Variants in KLHL7 observed in about 807,000 individuals in gnomAD.
KLHL7 encodes kelch like family member 7, also known as kelch-like protein 7.
KLHL7 carries 44 observed loss-of-function variants against 67.4 expected under a neutral mutation model. That is an observed-to-expected ratio of 0.65 (90% CI 0.51 to 0.84). The LOEUF (loss-of-function observed/expected upper bound fraction) is 0.84, where lower values mean the gene tolerates loss of function less well. KLHL7 is among the 40% of genes least tolerant of loss of function. The pLI, the probability that KLHL7 is intolerant of heterozygous loss-of-function variation, is 0.00. For synonymous variants in KLHL7, 252 were observed against 243.3 expected, an observed-to-expected ratio of 1.04 and a Z score of -0.33; for missense variants, 362 against 718.1, an observed-to-expected ratio of 0.50 and a Z score of 5.67.
At chr7:23,131,711 C>G (rs1435491072) in intron 4 of KLHL7, among the ~76,000 whole-genome samples, 1 of 147,138 alleles carries the variant, frequency 6.8e-6, no homozygotes, top group Non-Finnish European at 1.5e-5. Flanking sequence ...GTTGTGTTAT[C>G]AAATAATAGG....
intron 1 of KLHL7, among the ~76,000 whole-genome samples, chr7:23,109,412 T>C (rs1479311152): frequency 1.3e-5 from 2 of 152,254 alleles, no homozygotes; most frequent in Non-Finnish European, 2.9e-5. Flanking sequence ...TTCTTTTGTG[T>C]TAATGAAGTC....
chr7:23,141,771 C>T (rs562135988), intron 5 of KLHL7, among the ~76,000 whole-genome samples: 96 of 150,824 alleles, frequency 6.4e-4, no homozygotes, highest in African/African-American at 2.3e-3. Context: ...TACTGGTGCC[C>T]GCCACCGTGC....
rs1294099598 is a variant in KLHL7 at position 23,122,794 on chromosome 7, TTGCAAAA to T, written c.121-976_121-970del. 2.0e-5 allele frequency among the ~76,000 whole-genome samples: 3 copies of T among 152,288 alleles called. No individual in the cohort carries two copies. The East Asian group carries it at 5.8e-4, about 29-fold the overall frequency. On this transcript the variant is annotated intron_variant, in intron 1 of 10. Coordinates refer to ENST00000339077, the MANE Select transcript of KLHL7 (RefSeq NM_001031710.3). ...ACAGTTTTAGTAAAATACTTAAAAT[TTGCAAAA>T]TGCAAATCCTCTGAGCCATGAAGCC...
At chr7:23,173,131 A>T (rs187659887) in intron 10 of KLHL7, 86 bp downstream of exon 10, 25 of 894,200 alleles carry the variant, frequency 2.8e-5, no homozygotes, top group Middle Eastern at 4.3e-4. Context: ...AAAAATCTAG[A>T]TAGAAGCATT....
chr7:23,165,682 T>C lies in KLHL7; in HGVS notation c.937-16T>C. ...TTTTTTCCTTACTGAAAGCTTCCCA[T>C]CCTTTTCTGCTACAGGATTATAGCT... On this transcript the variant is annotated splice_polypyrimidine_tract_variant and intron_variant, in intron 7 of 10. Coordinates refer to ENST00000339077, the MANE Select transcript of KLHL7 (RefSeq NM_001031710.3). 1 of 1,614,124 alleles carries C rather than the reference T, an allele frequency of 6.2e-7. No homozygotes were observed. Among genetic ancestry groups the C allele is most frequent in the South Asian group, 1.1e-5 (1 of 91,082 alleles).
At chr7:23,164,677 G>C (rs1008622921) in intron 7 of KLHL7, among the ~76,000 whole-genome samples, 4 of 152,182 alleles carry the variant, frequency 2.6e-5, no homozygotes, top group African/African-American at 9.7e-5. Context: ...ATCTTTGTCA[G>C]GAGTCAAAGT....
chr7:23,117,068 C>T (rs980866364), intron 1 of KLHL7, among the ~76,000 whole-genome samples: 2 of 142,688 alleles, frequency 1.4e-5, no homozygotes, highest in South Asian at 4.4e-4. Context: ...ATAAAATTTT[C>T]CTAGAGCCAG....
Position 23,143,721 on chromosome 7 carries a change from G to A in KLHL7, c.619-130G>A, listed in dbSNP as rs186282564. 8.5e-4 allele frequency: 800 copies of A among 941,482 alleles called. 3 individuals carry two copies. In the African/African-American group the frequency reaches 0.011, roughly 13 times the overall value. The allele number at this position is 941,482 out of a possible 1,614,324, so 58.3% of individuals were successfully genotyped here. ...TTTTGAAGAACCAGCAAGTGTCCAG[G>A]GATGAAAAATACTAGAAATAAGTGG... On this transcript the variant is annotated intron_variant, in intron 5 of 10. Coordinates refer to ENST00000339077, the MANE Select transcript of KLHL7 (RefSeq NM_001031710.3).
intron 1 of KLHL7, among the ~76,000 whole-genome samples, chr7:23,118,281 A>T (rs1783181908): frequency 6.6e-6 from 1 of 152,234 alleles, no homozygotes; most frequent in African/African-American, 2.4e-5. Context: ...TTCTTTCTTT[A>T]TGACGCGTTG....
At chr7:23,170,057 A>C (rs890505361) in intron 9 of KLHL7, among the ~76,000 whole-genome samples, 1 of 151,800 alleles carries the variant, frequency 6.6e-6, no homozygotes, top group Non-Finnish European at 1.5e-5. Context: ...TAAAAATACC[A>C]AAAAAAATTA....
In KLHL7 at chr7:23,177,820, C is replaced by G. The variant is rs1168726081; in HGVS notation, c.*3522C>G. On this transcript the variant is annotated 3_prime_UTR_variant, in exon 11 of 11. Coordinates refer to ENST00000339077, the MANE Select transcript of KLHL7 (RefSeq NM_001031710.3). ...TCCAGCTGGCAAAAACTTGACATATCATCCCATGAAAATTTTAAGTCATGA... is the reference window on the plus strand; with the variant it reads ...TCCAGCTGGCAAAAACTTGACATATGATCCCATGAAAATTTTAAGTCATGA... 3 of 152,034 alleles carry G rather than the reference C, an allele frequency of 2.0e-5. No homozygotes were observed. Among genetic ancestry groups the G allele is most frequent in the Admixed American group, 6.6e-5 (1 of 15,258 alleles). 9.4% of individuals were successfully genotyped at this position (152,034 alleles called of 1,614,324 possible). A position where few individuals can be genotyped will look rare whatever the true frequency, so the allele number is the denominator to read the frequency against.
intron 4 of KLHL7, chr7:23,125,880 G>T (rs1258356782): frequency 2.6e-6 from 4 of 1,547,006 alleles, no homozygotes; most frequent in Admixed American, 3.9e-5. Flanking sequence ...ACCCTTATCT[G>T]CAGGATACGT....
At chr7:23,126,152 G>C in intron 4 of KLHL7, 1 of 407,542 alleles carries the variant, frequency 2.5e-6, no homozygotes, top group South Asian at 2.3e-5. Context: ...TCATAACCAG[G>C]ATGGTTTCTT....
intron 9 of KLHL7, among the ~76,000 whole-genome samples, chr7:23,172,582 GAAGA>G (rs1785195934): frequency 1.3e-5 from 2 of 152,154 alleles, no homozygotes; most frequent in East Asian, 3.8e-4. Flanking sequence ...GCAGAGGTGT[GAAGA>G]AAGAAAAAAG....
chr7:23,152,034 G>T (rs1784551938), intron 6 of KLHL7, 33 bp from the exon 7 acceptor site: 1 of 1,612,236 alleles, frequency 6.2e-7, no homozygotes, highest in South Asian at 1.1e-5. Flanking sequence ...AGTGCCTGAA[G>T]TTCTTGAAGC....
At chr7:23,151,303 C>T (rs75752485) in intron 6 of KLHL7, among the ~76,000 whole-genome samples, 2,020 of 152,064 alleles carry the variant, frequency 0.013, 22 homozygotes, top group Admixed American at 0.016. Context: ...CATAGACCAT[C>T]CTCCTTTCCC....
intron 9 of KLHL7, among the ~76,000 whole-genome samples, chr7:23,171,913 G>C (rs896591953): frequency 1.3e-5 from 2 of 152,190 alleles, no homozygotes; most frequent in Non-Finnish European, 2.9e-5. Context: ...GTTTCACCGT[G>C]TTAGCCAGGA....
chr7:23,156,277 A>T (rs576630751), intron 7 of KLHL7: 1 of 205,068 alleles, frequency 4.9e-6, no homozygotes, highest in South Asian at 6.7e-5. Flanking sequence ...ATTGACAGAA[A>T]AAGAAGTCTT....
At chr7:23,139,322 A>T (rs56098287) in intron 4 of KLHL7, among the ~76,000 whole-genome samples, 3,768 of 152,354 alleles carry the variant, frequency 0.025, 180 homozygotes, top group African/African-American at 0.085. Context: ...AATGTCAAGA[A>T]ATCTAGTAAC....
Sources: gnomAD v4.1 joint callset for allele counts (sites outside exome capture counted in the v4.1 genomes callset) on GRCh38, gnomAD v4.1.1 for gene constraint, MANE v1.5 for transcripts, NCBI Gene and HGNC (gene_info 2026-07-23, HGNC 2026-07-21) for gene names.